Variants in EXD1 observed in about 807,000 individuals in gnomAD.
EXD1 encodes the protein piRNA biogenesis protein EXD1.
A neutral mutation model predicts 49.1 loss-of-function variants in EXD1; 63 were observed. The ratio of observed to expected loss-of-function variants is 1.28; its 90% CI spans 1.05 to 1.58. The LOEUF is 1.58. EXD1 is among the 40% of genes most tolerant of loss of function. The probability of loss-of-function intolerance (pLI) is 0.00; values close to 1 mark genes in which losing one functional copy is unlikely to be tolerated. For synonymous variants in EXD1, 234 were observed against 239.2 expected, an observed-to-expected ratio of 0.98 and a Z score of 0.20; for missense variants, 748 against 666.0, an observed-to-expected ratio of 1.12 and a Z score of -1.36.
intron 5 of EXD1, 107 bp downstream of exon 5, chr15:41,216,561 G>A (rs1219092939): frequency 2.6e-6 from 3 of 1,133,704 alleles, no homozygotes; most frequent in East Asian, 2.6e-5. Flanking sequence ...AATCCAGGAG[G>A]TGGAGGTTGC....
Position 41,191,555 on chromosome 15 carries a change from T to A in EXD1, c.751A>T (p.Thr251Ser). 6 of 1,614,058 alleles carry A rather than the reference T, an allele frequency of 3.7e-6. No individual in the cohort carries two copies. The highest frequency in any genetic ancestry group is 5.1e-6 in the Non-Finnish European group (6 of 1,180,018). The stretch of plus-strand genomic sequence containing the variant: ...ATGCAGTTTGGAAGATAGCCACCCG[T>A]TTCCATGGAAAACTGAAGTACATCT... ...VADVLQFSMETGGYLPNCITT... is the reference protein window; with the variant it reads ...VADVLQFSMESGGYLPNCITT... Residue 251 changes from threonine to serine, a missense_variant, in exon 10 of 12, where the codon ACG (threonine) becomes TCG (serine). Coordinates refer to ENST00000458580, the MANE Select transcript of EXD1 (RefSeq NM_001286441.2).
chr15:41,207,542 C>CA (rs201663152), intron 7 of EXD1, among the ~76,000 whole-genome samples: 299 of 145,756 alleles, frequency 2.1e-3, no homozygotes, highest in Middle Eastern at 0.014. Flanking sequence ...AATTTCATCT[C>CA]AAAAAAAAAA....
chr15:41,226,145 G>A (rs928800860), intron 2 of EXD1, among the ~76,000 whole-genome samples: 7 of 151,578 alleles, frequency 4.6e-5, no homozygotes, highest in African/African-American at 7.3e-5. Context: ...CCAGCTACTC[G>A]GGAGGCTGAG....
At chr15:41,190,492 AAAAAG>A (rs1286980270) in intron 10 of EXD1, 11 of 285,216 alleles carry the variant, frequency 3.9e-5, no homozygotes, top group African/African-American at 1.5e-4. Flanking sequence ...AAAAAGAAAA[AAAAAG>A]AAAAGAAAAG....
chr15:41,207,945 C>T (rs761935736), intron 7 of EXD1, among the ~76,000 whole-genome samples: 6 of 149,116 alleles, frequency 4.0e-5, no homozygotes, highest in African/African-American at 9.9e-5. Context: ...TGGGAGGCGG[C>T]GGTTGTAGTG....
intron 1 of EXD1, among the ~76,000 whole-genome samples, chr15:41,229,283 G>A (rs996359066): frequency 1.3e-5 from 2 of 152,116 alleles, no homozygotes; most frequent in Admixed American, 6.6e-5. Context: ...TTTGAGACCC[G>A]CCTAGACAAT....
chr15:41,195,822 G>A lies in EXD1; in HGVS notation c.673C>T (p.Leu225Phe), dbSNP rs748704090. The A allele has an allele frequency of 1.9e-6, 3 of 1,613,656 alleles. No homozygotes were observed. The Admixed American group carries it at 5.0e-5, about 27-fold the overall frequency. ...AGCAAAATTCCATACTGATGAGAGA[G>A]GCAATCAGAAAGCCAACGACAATCA... ...IHDCRWLSDC[L>F]SHQYGILLNN... Residue 225 changes from leucine to phenylalanine, a missense_variant, in exon 9 of 12, where the codon CTC (leucine) becomes TTC (phenylalanine). Transcript: ENST00000458580.
At chr15:41,226,117 T>C (rs1237531628) in intron 2 of EXD1, among the ~76,000 whole-genome samples, 1 of 151,476 alleles carries the variant, frequency 6.6e-6, no homozygotes, top group East Asian at 2.0e-4. Context: ...CTGGGAGTGG[T>C]GGCGGGTGTC....
At chr15:41,190,723 G>T (rs1482711244) in intron 10 of EXD1, among the ~76,000 whole-genome samples, 4 of 152,008 alleles carry the variant, frequency 2.6e-5, no homozygotes, top group Non-Finnish European at 4.4e-5. Flanking sequence ...GAACAGAATT[G>T]CAGCCAATAC....
chr15:41,199,747 TTATATATG>T (rs2046687874), intron 7 of EXD1, among the ~76,000 whole-genome samples: 1 of 99,760 alleles, frequency 1.0e-5, no homozygotes, highest in African/African-American at 4.0e-5. Context: ...ATGTCATATA[TTATATATG>T]ATACATATAT....
intron 7 of EXD1, among the ~76,000 whole-genome samples, chr15:41,201,871 G>T (rs1003693415): frequency 2.0e-5 from 3 of 152,032 alleles, no homozygotes; most frequent in Non-Finnish European, 4.4e-5. Context: ...ACATCCAAAC[G>T]CCAGGCGTGG....
In EXD1 at chr15:41,198,862, C is replaced by T. The variant is rs1015664327; in HGVS notation, c.535-2825G>A. Reference sequence around the variant, plus strand: ...CTGGGATTACAGGTGCCTGCCACCACGCCCGGGTAATTTGTTGCATTTTTA... The same window carrying T: ...CTGGGATTACAGGTGCCTGCCACCATGCCCGGGTAATTTGTTGCATTTTTA... On this transcript the variant is annotated intron_variant, in intron 7 of 11. Coordinates refer to ENST00000458580, the MANE Select transcript of EXD1 (RefSeq NM_001286441.2). Among the ~76,000 whole-genome samples, 203 of 151,752 alleles carry T rather than the reference C, an allele frequency of 1.3e-3. 1 individual carries two copies. Among genetic ancestry groups the T allele is most frequent in the African/African-American group, 4.7e-3 (194 of 41,368 alleles).
intron 11 of EXD1, among the ~76,000 whole-genome samples, chr15:41,187,398 C>T (rs940738104): frequency 2.6e-5 from 4 of 152,094 alleles, no homozygotes; most frequent in Non-Finnish European, 4.4e-5. Flanking sequence ...CTCATCCATA[C>T]GTTTCATATA....
At position 41,191,444 on chromosome 15, in the gene EXD1, G is replaced by A. The variant is rs750096333; in HGVS notation, c.862C>T (p.Gln288Ter). The A allele has an allele frequency of 1.9e-6, 3 of 1,605,160 alleles. No homozygotes were observed. Among genetic ancestry groups the A allele is most frequent in the Non-Finnish European group, 2.6e-6 (3 of 1,172,972 alleles). The change falls in exon 10 of 12, where the codon CAG becomes TAG. Residue 288 changes from glutamine (Q) to a stop codon, truncating the protein, a stop_gained and splice_region_variant. Coordinates refer to ENST00000458580, the MANE Select transcript of EXD1 (RefSeq NM_001286441.2). LOFTEE classifies it high-confidence loss of function. ...SFLEKRQKLI[Q>*]ENPEVWFIRP... is the part of the protein sequence containing the mutation. ...TACAGGACATCCTTTACACCCACCT[G>A]AATTAGTTTTTGTCTCTTTTCTAGA...
At chr15:41,185,053 T>A (rs899617242) in intron 11 of EXD1, among the ~76,000 whole-genome samples, 6 of 152,174 alleles carry the variant, frequency 3.9e-5, no homozygotes, top group South Asian at 2.1e-4. Flanking sequence ...TATAGTAGTA[T>A]CATTTTTCTA....
intron 7 of EXD1, among the ~76,000 whole-genome samples, chr15:41,199,851 G>A (rs1234674772): frequency 7.1e-6 from 1 of 140,922 alleles, no homozygotes; most frequent in African/African-American, 2.6e-5. Flanking sequence ...TATATAATAT[G>A]TCATATATAT....
At chr15:41,230,435 C>G in intron 1 of EXD1, 44 bp downstream of exon 1, 1 of 1,592,996 alleles carries the variant, frequency 6.3e-7, no homozygotes, top group South Asian at 1.1e-5. Context: ...TGCAAAATTT[C>G]TCATTTTTAA....
chr15:41,230,713 C>A lies in EXD1; in HGVS notation c.-288G>T, dbSNP rs1296101388. ...AAAGGTCCGCGACGCCGGGGACACA[C>A]GCCGCAGAGGCGACGCCCGCCCGGC... is the stretch of plus-strand genomic sequence containing the variant. On this transcript the variant is annotated 5_prime_UTR_variant, in exon 1 of 12. Coordinates refer to ENST00000458580, the MANE Select transcript of EXD1 (RefSeq NM_001286441.2). 4.3e-5 allele frequency: 30 copies of A among 692,084 alleles called. No homozygotes were observed. The East Asian group carries it at 4.8e-4, about 11-fold the overall frequency. The allele number at this position is 692,084 out of a possible 1,614,324, so 42.9% of individuals were successfully genotyped here.
chr15:41,208,132 A>T (rs1034017789), intron 7 of EXD1, among the ~76,000 whole-genome samples: 7 of 152,004 alleles, frequency 4.6e-5, no homozygotes, highest in African/African-American at 1.4e-4. Flanking sequence ...AACTGCCCAG[A>T]CCTGTGTTAC....
Sources: allele counts gnomAD v4.1 joint callset (sites outside exome capture counted in the v4.1 genomes callset), GRCh38; gene constraint gnomAD v4.1.1; transcripts MANE v1.5; gene names NCBI Gene and HGNC (gene_info 2026-07-23, HGNC 2026-07-21).